CDH4: variants seen among roughly 807,000 people sequenced by gnomAD.
CDH4 encodes the protein cadherin 4.
In CDH4, 33 loss-of-function variants were observed where a neutral mutation model predicts 86.0. The ratio of observed to expected loss-of-function variants is 0.38; its 90% CI spans 0.29 to 0.51. The LOEUF (loss-of-function observed/expected upper bound fraction) is 0.51, where lower values mean the gene tolerates loss of function less well. Ranked by LOEUF, CDH4 falls within the 20% of genes least tolerant of loss-of-function variation. CDH4 has a pLI of 0.86. For missense variants in CDH4, 1,114 were observed against 1,307.4 expected (o/e 0.85, Z 2.28); for synonymous variants, 555 against 549.4 (o/e 1.01, Z -0.14).
At chr20:61,333,435 C>T (rs774014763) in intron 2 of CDH4, among the ~76,000 whole-genome samples, 16 of 152,212 alleles carry the variant, frequency 1.1e-4, no homozygotes, top group Non-Finnish European at 2.4e-4. Flanking sequence ...GAGACCCCAA[C>T]AGGCATTCTT....
intron 2 of CDH4, among the ~76,000 whole-genome samples, chr20:61,375,925 C>CTGG (rs1568819197): frequency 1.6e-3 from 10 of 6,138 alleles, no homozygotes; most frequent in Non-Finnish European, 2.3e-3. Context: ...GGTCTTGGTG[C>CTGG]TGGTGATGAT....
chr20:61,881,768 C>G (rs896564755), intron 7 of CDH4, among the ~76,000 whole-genome samples: 3 of 152,210 alleles, frequency 2.0e-5, no homozygotes, highest in African/African-American at 7.2e-5. Context: ...CAGACCTGGC[C>G]CAATCAGCAT....
At chr20:61,323,280 T>C (rs1600865807) in intron 2 of CDH4, among the ~76,000 whole-genome samples, 1 of 152,110 alleles carries the variant, frequency 6.6e-6, no homozygotes, top group Admixed American at 6.5e-5. Context: ...GGGTGGCAGG[T>C]CAGCCCCTGT....
chr20:61,422,448 A>AC (rs2085184286), intron 2 of CDH4, among the ~76,000 whole-genome samples: 2 of 142,164 alleles, frequency 1.4e-5, no homozygotes, highest in Non-Finnish European at 3.1e-5. Flanking sequence ...AAAAAAAAAA[A>AC]AAAAAAAAAA....
At chr20:61,825,062 A>AT (rs370546674) in intron 4 of CDH4, among the ~76,000 whole-genome samples, 263 of 151,454 alleles carry the variant, frequency 1.7e-3, no homozygotes, top group Non-Finnish European at 3.3e-3. Flanking sequence ...TAAGTTGGTG[A>AT]TTTTTTTTTC....
chr20:61,817,862 T>C (rs912055641), intron 4 of CDH4, among the ~76,000 whole-genome samples: 1 of 152,144 alleles, frequency 6.6e-6, no homozygotes, highest in Non-Finnish European at 1.5e-5. Context: ...CAGGAGGCCA[T>C]AGGGAGCCAG....
chr20:61,923,567 C>A lies in CDH4; in HGVS notation c.1491C>A (p.Ser497=), dbSNP rs1380156303. ...SFQSTAGVTI[S]IMDINEAPYF... ...AGTCCACGGCAGGGGTGACCATCTC[C>A]ATCATGGACATCAACGAGGCTCCCT... The change falls in exon 10 of 16, where the codon TCC becomes TCA. Residue 497 remains serine, a synonymous_variant. Transcript: ENST00000614565. 4 of 1,614,192 alleles carry A rather than the reference C, an allele frequency of 2.5e-6. No individual in the cohort carries two copies. Among genetic ancestry groups the A allele is most frequent in the Non-Finnish European group, 2.5e-6 (3 of 1,180,026 alleles).
At chr20:61,432,932 G>C (rs760828539) in intron 2 of CDH4, among the ~76,000 whole-genome samples, 1 of 147,866 alleles carries the variant, frequency 6.8e-6, no homozygotes, top group East Asian at 2.0e-4. Context: ...TCTGCCTCCC[G>C]GGTTCCAGCA....
At chr20:61,475,909 T>A (rs912801758) in intron 2 of CDH4, among the ~76,000 whole-genome samples, 2 of 152,012 alleles carry the variant, frequency 1.3e-5, no homozygotes, top group African/African-American at 4.8e-5. Flanking sequence ...CATCTGCCCA[T>A]GAGTGTTGCA....
chr20:61,604,313 C>T (rs1319492971), intron 2 of CDH4, among the ~76,000 whole-genome samples: 1 of 152,232 alleles, frequency 6.6e-6, no homozygotes, highest in Non-Finnish European at 1.5e-5. Context: ...GCAGCCGCAG[C>T]GCCTGTCTTT....
intron 2 of CDH4, among the ~76,000 whole-genome samples, chr20:61,457,286 G>T (rs953445178): frequency 1.3e-5 from 2 of 152,142 alleles, no homozygotes; most frequent in African/African-American, 2.4e-5. Context: ...TACTGTCTCT[G>T]TCACTCTCTA....
At position 61,876,251 on chromosome 20, in the gene CDH4, A is replaced by G. The variant is rs115317553; in HGVS notation, c.1050+2351A>G. On this transcript the variant is annotated intron_variant, in intron 7 of 15. Transcript: ENST00000614565. ...CCACAGACTGCCCCACCTGCGTGCC[A>G]TCAGCTCCTGGTGTGTGACGGGGAA... is the stretch of plus-strand genomic sequence containing the variant. 4.9e-4 allele frequency among the ~76,000 whole-genome samples: 75 copies of G among 152,336 alleles called. 1 individual carries two copies. The highest frequency in any genetic ancestry group is 8.3e-4 in the South Asian group (4 of 4,826).
chr20:61,881,191 C>G (rs375639183), intron 7 of CDH4, among the ~76,000 whole-genome samples: 31 of 152,352 alleles, frequency 2.0e-4, no homozygotes, highest in African/African-American at 5.8e-4. Context: ...ACGGACGCCA[C>G]TGGAGGATGA....
intron 2 of CDH4, among the ~76,000 whole-genome samples, chr20:61,488,430 T>G (rs751649289): frequency 6.6e-6 from 1 of 152,230 alleles, no homozygotes; most frequent in Non-Finnish European, 1.5e-5. Context: ...GAATGATCCT[T>G]CTAAGTAGCT....
intron 2 of CDH4, among the ~76,000 whole-genome samples, chr20:61,634,725 G>A (rs921361532): frequency 6.6e-6 from 1 of 152,206 alleles, no homozygotes; most frequent in Non-Finnish European, 1.5e-5. Context: ...CGGCGTTAGT[G>A]TATTCACATA....
intron 2 of CDH4, among the ~76,000 whole-genome samples, chr20:61,406,086 G>A (rs1259564568): frequency 1.3e-5 from 2 of 152,172 alleles, no homozygotes; most frequent in Admixed American, 6.5e-5. Context: ...AATCTTCCAC[G>A]TCTTTATTGG....
intron 2 of CDH4, chr20:61,499,605 C>A: frequency 9.7e-7 from 1 of 1,026,836 alleles, no homozygotes; most frequent in Non-Finnish European, 1.3e-6. Context: ...AGGAGGGCTC[C>A]AAGCCAGAAT....
intron 3 of CDH4, among the ~76,000 whole-genome samples, chr20:61,755,445 C>G (rs1426542786): frequency 7.2e-6 from 1 of 139,572 alleles, no homozygotes; most frequent in Non-Finnish European, 1.5e-5. Flanking sequence ...ACCACACACA[C>G]ACACCCCGTA....
At chr20:61,848,636 C>T (rs1158731852) in intron 5 of CDH4, among the ~76,000 whole-genome samples, 1 of 152,204 alleles carries the variant, frequency 6.6e-6, no homozygotes, top group Non-Finnish European at 1.5e-5. Flanking sequence ...AGCGATTCTC[C>T]TGCCTCAGCC....
Sources: gnomAD v4.1 joint callset for allele counts (sites outside exome capture counted in the v4.1 genomes callset) on GRCh38, gnomAD v4.1.1 for gene constraint, MANE v1.5 for transcripts, NCBI Gene and HGNC (gene_info 2026-07-23, HGNC 2026-07-21) for gene names.